ARAP1: variants seen among roughly 807,000 people sequenced by gnomAD.
ARAP1 encodes the protein arf-GAP with Rho-GAP domain, ANK repeat and PH domain-containing protein 1.
Under a neutral mutation model 172.2 loss-of-function variants are expected in ARAP1, and 76 were observed. The ratio of observed to expected loss-of-function variants is 0.44; its 90% CI spans 0.37 to 0.53. The LOEUF (loss-of-function observed/expected upper bound fraction) is 0.53, where lower values mean the gene tolerates loss of function less well. Ranked by LOEUF, ARAP1 falls within the 20% of genes least tolerant of loss-of-function variation. The pLI, the probability that ARAP1 is intolerant of heterozygous loss-of-function variation, is 0.00. For synonymous variants in ARAP1, 804 were observed against 803.3 expected (o/e 1.00, Z -0.01); for missense variants, 1,686 against 1,977.5 (o/e 0.85, Z 2.80).
intron 16 of ARAP1, among the ~76,000 whole-genome samples, chr11:72,701,401 T>C (rs113317715): frequency 2.0e-5 from 3 of 152,262 alleles, no homozygotes; most frequent in African/African-American, 7.2e-5. Flanking sequence ...CCATATCCAG[T>C]AGGGGCTCAA....
At chr11:72,720,634 T>A (rs10898868) in intron 3 of ARAP1, among the ~76,000 whole-genome samples, 1 of 151,922 alleles carries the variant, frequency 6.6e-6, no homozygotes, top group Non-Finnish European at 1.5e-5. Context: ...CATACAGCAG[T>A]GCCCAGTTAA....
At chr11:72,722,225 G>T (rs954247324) in intron 3 of ARAP1, 75 of 985,620 alleles carry the variant, frequency 7.6e-5, no homozygotes, top group Non-Finnish European at 8.8e-5. Context: ...GACTCTGTGT[G>T]TCTGTGTGTA....
chr11:72,712,288 A>C lies in ARAP1; in HGVS notation c.930T>G (p.Ala310=). The C allele has an allele frequency of 6.3e-7, 1 of 1,592,376 alleles. No individual in the cohort carries two copies. The highest frequency in any genetic ancestry group is 8.6e-7 in the Non-Finnish European group (1 of 1,168,022). ...SLSLSLPSTI[A]APHPMDGPPG... ...GCGGCCCGTCCATGGGGTGTGGCGC[A>C]GCTATTGTGCTGGGCAAGGACAAGC... Residue 310 remains alanine (A), a synonymous_variant, in exon 7 of 35, where the codon GCT becomes GCG. Transcript: ENST00000393609.
chr11:72,697,847 TG>T, intron 19 of ARAP1, 63 bp downstream of exon 19: 1 of 1,495,336 alleles, frequency 6.7e-7, no homozygotes, highest in African/African-American at 1.4e-5. Flanking sequence ...AGGCAAGGGC[TG>T]GGGGCCTGGG....
At chr11:72,745,614 G>A (rs1330670591) in intron 1 of ARAP1, among the ~76,000 whole-genome samples, 9 of 151,616 alleles carry the variant, frequency 5.9e-5, no homozygotes, top group Non-Finnish European at 1.0e-4. Flanking sequence ...GACCATACCC[G>A]CATGGAGTAC....
At chr11:72,703,885 G>T in intron 14 of ARAP1, 1 of 504,868 alleles carries the variant, frequency 2.0e-6, no homozygotes, top group Non-Finnish European at 3.5e-6. Flanking sequence ...AACCGGACGG[G>T]GTGCAGGAGA....
chr11:72,719,697 A>C (rs1857429196), intron 3 of ARAP1, among the ~76,000 whole-genome samples: 1 of 152,108 alleles, frequency 6.6e-6, no homozygotes, highest in Admixed American at 6.5e-5. Flanking sequence ...TCTCTGGCCG[A>C]AAGAACCAGG....
intron 33 of ARAP1, 135 bp downstream of exon 33, chr11:72,687,304 G>T: frequency 1.8e-6 from 2 of 1,138,414 alleles, no homozygotes; most frequent in Non-Finnish European, 2.6e-6. Flanking sequence ...GAATAAACTA[G>T]CAAATGAATT....
intron 3 of ARAP1, among the ~76,000 whole-genome samples, chr11:72,714,912 C>G (rs1478876356): frequency 6.6e-6 from 1 of 152,184 alleles, no homozygotes; most frequent in African/African-American, 2.4e-5. Flanking sequence ...CCTCTGCTAC[C>G]TCACCCCACT....
chr11:72,720,974 T>C (rs1857483962), intron 3 of ARAP1, among the ~76,000 whole-genome samples: 1 of 152,110 alleles, frequency 6.6e-6, no homozygotes. Context: ...TCTAAGCGCT[T>C]CCCAGGCCTG....
intron 33 of ARAP1, among the ~76,000 whole-genome samples, 191 bp from the exon 34 acceptor site, chr11:72,686,382 C>A (rs537843343): frequency 5.9e-5 from 9 of 152,360 alleles, no homozygotes; most frequent in Non-Finnish European, 1.2e-4. Flanking sequence ...ACGGCCAGTT[C>A]TGTTACTCAA....
chr11:72,698,061 C>A lies in ARAP1; in HGVS notation c.2587G>T (p.Glu863Ter). 6.2e-7 allele frequency: 1 copy of A among 1,606,954 alleles called. No homozygotes were observed. The change falls in exon 19 of 35, where the codon GAG becomes TAG. Residue 863 changes from glutamate (E) to a stop codon, truncating the protein, a stop_gained. Coordinates refer to ENST00000393609, the MANE Select transcript of ARAP1 (RefSeq NM_001040118.3). LOFTEE classifies it high-confidence loss of function. ...TTGTAGGGTAGGCGTCCCAGCCGCT[C>A]AAAATCCCGGGCCAGCAGATCCTCG... Reference protein sequence around the residue: ...LAEDLLARDFERLGRLPYKAG... With the variant: ...LAEDLLARDF
chr11:72,701,943 G>A (rs1435125343), intron 15 of ARAP1, among the ~76,000 whole-genome samples, 160 bp from the exon 16 acceptor site: 1 of 152,104 alleles, frequency 6.6e-6, no homozygotes, highest in Non-Finnish European at 1.5e-5. Context: ...GCAGGGTCTT[G>A]TCCAGGCTGT....
intron 5 of ARAP1, 107 bp from the exon 6 acceptor site, chr11:72,712,675 C>T: frequency 1.3e-6 from 2 of 1,567,880 alleles, no homozygotes; most frequent in Non-Finnish European, 1.7e-6. Context: ...CCACACAGCC[C>T]AGCACTTTTA....
At position 72,751,824 on chromosome 11, in the gene ARAP1, T is replaced by C. The variant is rs80117515; in HGVS notation, c.-128+504A>G. Reference sequence around the variant, plus strand: ...CCACTCCCAGCGTGACCCCATTCCCTGAGCACATACTTTCTTTCACCAGCA... The same window carrying C: ...CCACTCCCAGCGTGACCCCATTCCCCGAGCACATACTTTCTTTCACCAGCA... On this transcript the variant is annotated intron_variant, in intron 1 of 34. Transcript: ENST00000393609. 3.2e-3 allele frequency among the ~76,000 whole-genome samples: 491 copies of C among 151,266 alleles called. 4 individuals are homozygous for C. The highest frequency in any genetic ancestry group is 0.011 in the African/African-American group (468 of 41,190).
At chr11:72,712,075 C>G (rs1326297225) in intron 7 of ARAP1, 121 bp downstream of exon 7, 7 of 1,346,316 alleles carry the variant, frequency 5.2e-6, no homozygotes, top group Non-Finnish European at 6.9e-6. Flanking sequence ...GAGACCTGTG[C>G]AAATCATCGC....
At chr11:72,735,934 C>T (rs1858009417) in intron 1 of ARAP1, among the ~76,000 whole-genome samples, 1 of 152,142 alleles carries the variant, frequency 6.6e-6, no homozygotes, top group Non-Finnish European at 1.5e-5. Context: ...GATCAGATAC[C>T]ATCAACCAGT....
intron 16 of ARAP1, chr11:72,700,428 G>A (rs1400724795): frequency 6.6e-6 from 1 of 152,312 alleles, no homozygotes; most frequent in East Asian, 1.9e-4. Context: ...AGCAGACTCT[G>A]TCTCTCATCC....
intron 3 of ARAP1, 32 bp from the exon 4 acceptor site, chr11:72,714,353 A>C (rs368315219): frequency 6.5e-7 from 1 of 1,538,050 alleles, no homozygotes; most frequent in African/African-American, 1.4e-5. Flanking sequence ...GGCATCACTA[A>C]GCAACAGAGC....
Sources: gnomAD v4.1 joint callset for allele counts (sites outside exome capture counted in the v4.1 genomes callset) on GRCh38, gnomAD v4.1.1 for gene constraint, MANE v1.5 for transcripts, NCBI Gene and HGNC (gene_info 2026-07-23, HGNC 2026-07-21) for gene names.